Variants in PIK3R6 observed in about 807,000 individuals in gnomAD.
The protein encoded by PIK3R6 is phosphoinositide-3-kinase regulatory subunit 6.
A neutral mutation model predicts 84.9 loss-of-function variants in PIK3R6; 91 were observed. The observed-to-expected ratio is 1.07, with a 90% CI of 0.90 to 1.28. The LOEUF is 1.28. Among genes scored for constraint, PIK3R6 ranks in the 50% most tolerant of loss-of-function variants. PIK3R6 has a pLI of 0.00. For synonymous variants in PIK3R6, 416 were observed against 411.4 expected (o/e 1.01, Z -0.13); for missense variants, 996 against 985.1 (o/e 1.01, Z -0.15).
rs1284585528 is a variant in PIK3R6 at position 8,842,404 on chromosome 17, A to G, written c.14-2707T>C. Among the ~76,000 whole-genome samples, 11 of 152,098 alleles carry G rather than the reference A, an allele frequency of 7.2e-5. No individual in the cohort carries two copies. Among genetic ancestry groups the G allele is most frequent in the Admixed American group, 7.2e-4 (11 of 15,268 alleles). ...CTTTTCTTGGACTCCCATCAGTCCA[A>G]GGCATTTCCACTGACCCTTCTTCCT... On this transcript the variant is annotated intron_variant, in intron 2 of 19. Transcript: ENST00000619866. The surrounding 1 kb of genome is among the most constrained non-coding windows in gnomAD (Gnocchi z 4.5).
rs766956757 is a variant in PIK3R6, at chr17:8,827,177, C to T, written c.1510G>A (p.Glu504Lys). ...TLCPAIHKLA[E>K]MPPSLDTSRT... ...GTACCCTCACCCTCCCCTACCATCTCAGCCAGCTTGTGGATGGCGGGGCAC... is the reference window on the plus strand; with the variant it reads ...GTACCCTCACCCTCCCCTACCATCTTAGCCAGCTTGTGGATGGCGGGGCAC... Residue 504 changes from glutamate (E) to lysine (K), a missense_variant, in exon 13 of 20, where the codon GAG becomes AAG. Physicochemically the swap from Glu to Lys is moderately conservative, Grantham distance 56. Coordinates refer to ENST00000619866, the MANE Select transcript of PIK3R6 (RefSeq NM_001010855.4). 2 of 1,612,908 alleles carry T rather than the reference C, an allele frequency of 1.2e-6. No individual in the cohort carries two copies. The highest frequency in any genetic ancestry group is 2.2e-5 in the South Asian group (2 of 90,682).
chr17:8,858,310 C>CTTTT (rs752142944), intron 1 of PIK3R6, among the ~76,000 whole-genome samples: 24 of 95,512 alleles, frequency 2.5e-4, no homozygotes, highest in South Asian at 3.5e-4. Flanking sequence ...CTCAATTAAT[C>CTTTT]TTTTTTTTTT....
chr17:8,837,216 C>T (rs896939439), intron 5 of PIK3R6, among the ~76,000 whole-genome samples: 1 of 152,170 alleles, frequency 6.6e-6, no homozygotes, highest in African/African-American at 2.4e-5. Context: ...CCTCCTGCTC[C>T]ATCAGGGAAG....
intron 2 of PIK3R6, among the ~76,000 whole-genome samples, chr17:8,841,310 C>CCCTGGCTCCTGT (rs2088670452): frequency 1.3e-5 from 2 of 152,194 alleles, no homozygotes; most frequent in Non-Finnish European, 2.9e-5. Context: ...TAGGGCTCAG[C>CCCTGGCTCCTGT]CCTGGCTCCT....
Position 8,832,982 on chromosome 17 carries a change from C to G in PIK3R6, c.709G>C (p.Ala237Pro), listed in dbSNP as rs749095989. The change falls in exon 9 of 20, where the codon GCC (alanine) becomes CCC (proline). Residue 237 changes from alanine (A) to proline (P), a missense_variant. Coordinates refer to ENST00000619866, the MANE Select transcript of PIK3R6 (RefSeq NM_001010855.4). ...TCCCGGCTCGGGCTGGCCTCGCTGG[C>G]CATCTGCTCCAAGGCGGCCACCACG... ...HAVVAALEQM[A>P]SEASPSREGH... is the part of the protein sequence containing the mutation. 9 of 1,611,712 alleles carry G rather than the reference C, an allele frequency of 5.6e-6. No homozygotes were observed. The highest frequency in any genetic ancestry group is 7.6e-6 in the Non-Finnish European group (9 of 1,179,608).
chr17:8,829,796 C>A lies in PIK3R6; in HGVS notation c.803-4G>T, dbSNP rs975704423. The A allele has an allele frequency of 4.5e-5, 69 of 1,549,514 alleles. No homozygotes were observed. Among genetic ancestry groups the A allele is most frequent in the Non-Finnish European group, 5.5e-5 (63 of 1,146,202 alleles). ...GGCCGCTCTTGGACAAGGTCACCTG[C>A]AGAAAGGAGCAGGCTGTGGAGGCCA... On this transcript the variant is annotated splice_region_variant and splice_polypyrimidine_tract_variant and intron_variant, in intron 9 of 19. Coordinates refer to ENST00000619866, the MANE Select transcript of PIK3R6 (RefSeq NM_001010855.4).
intron 18 of PIK3R6, among the ~76,000 whole-genome samples, chr17:8,805,378 A>G (rs532641027): frequency 6.6e-6 from 1 of 152,166 alleles, no homozygotes; most frequent in African/African-American, 2.4e-5. Context: ...TGACTCATGG[A>G]CTCAGCAATG....
intron 17 of PIK3R6, among the ~76,000 whole-genome samples, chr17:8,819,937 ATTTTTATATATATATATATTT>A (rs1426765536): frequency 4.6e-5 from 4 of 86,220 alleles, no homozygotes; most frequent in South Asian, 8.1e-4. Context: ...ATATATATAT[ATTTTTATATATATATATATTT>A]TTTTTTTGAG....
At chr17:8,809,412 A>G (rs2087290762) in intron 18 of PIK3R6, among the ~76,000 whole-genome samples, 1 of 152,220 alleles carries the variant, frequency 6.6e-6, no homozygotes, top group African/African-American at 2.4e-5. Context: ...CAACTAGGTA[A>G]TAATTATGAC....
At chr17:8,815,601 C>T (rs8064492) in intron 18 of PIK3R6, among the ~76,000 whole-genome samples, 3,496 of 152,060 alleles carry the variant, frequency 0.023, 131 homozygotes, top group African/African-American at 0.077. Flanking sequence ...ATGCTTTGGC[C>T]GTCCTAGGAG....
chr17:8,822,041 G>C, intron 16 of PIK3R6, 105 bp from the exon 17 acceptor site: 1 of 796,754 alleles, frequency 1.3e-6, no homozygotes, highest in Non-Finnish European at 1.9e-6. Context: ...TTCCACCCCT[G>C]CTGTGAGAGT....
At chr17:8,819,033 A>T in intron 18 of PIK3R6, 50 bp downstream of exon 18, 1 of 1,382,580 alleles carries the variant, frequency 7.2e-7, no homozygotes, top group Non-Finnish European at 9.9e-7. Flanking sequence ...CCAGCCACCT[A>T]CTGCTGTCCC....
Position 8,839,685 on chromosome 17 carries a change from T to A in PIK3R6, c.26A>T (p.Asp9Val). ...CACAGCCTGCACGCTCCTCTGGAGG[T>A]CCAGCTCCACATCTGGGCAGTGGTA... MESSDVEL[D>V]LQRSVQAVLR... Residue 9 changes from aspartate (D) to valine (V), a missense_variant, in exon 3 of 20, where the codon GAC (aspartate) becomes GTC (valine). Coordinates refer to ENST00000619866, the MANE Select transcript of PIK3R6 (RefSeq NM_001010855.4). This position sits in a 1 kb window ranked among gnomAD's most constrained non-coding sequence, Gnocchi z 4.2. 2.5e-6 allele frequency: 4 copies of A among 1,573,680 alleles called. No individual in the cohort carries two copies. The highest frequency in any genetic ancestry group is 3.5e-6 in the Non-Finnish European group (4 of 1,158,920).
Position 8,867,538 on chromosome 17 carries a change from G to C in PIK3R6, c.-101C>G. On this transcript the variant is annotated 5_prime_UTR_variant, in exon 1 of 20. Transcript: ENST00000619866. ...CCAAGCCAGCACTTACCTTGGTTCG[G>C]TGGCAGCTTCTGGGCTCCCCAAGTC... The C allele has an allele frequency of 2.1e-6, 1 of 486,254 alleles. No homozygotes were observed. Among genetic ancestry groups the C allele is most frequent in the Non-Finnish European group, 4.2e-6 (1 of 240,676 alleles). 30.1% of individuals were successfully genotyped at this position (486,254 alleles called of 1,614,324 possible).
At chr17:8,820,102 A>C (rs1597387983) in intron 17 of PIK3R6, among the ~76,000 whole-genome samples, 1 of 146,496 alleles carries the variant, frequency 6.8e-6, no homozygotes, top group Non-Finnish European at 1.5e-5. Context: ...GGGCTCCACC[A>C]CACTGGCTAA....
At chr17:8,808,821 T>C (rs2087275192) in intron 18 of PIK3R6, among the ~76,000 whole-genome samples, 1 of 152,200 alleles carries the variant, frequency 6.6e-6, no homozygotes, top group African/African-American at 2.4e-5. Context: ...GTTCAGGGAA[T>C]GAGGCCAACA....
At chr17:8,846,959 G>A (rs2088828853) in intron 2 of PIK3R6, among the ~76,000 whole-genome samples, 1 of 152,176 alleles carries the variant, frequency 6.6e-6, no homozygotes, top group African/African-American at 2.4e-5. Context: ...GAGGGAATAA[G>A]TCTCATTGCC....
At chr17:8,823,559 T>C (rs970684910) in intron 13 of PIK3R6, 62 bp from the exon 14 acceptor site, 6 of 1,182,216 alleles carry the variant, frequency 5.1e-6, no homozygotes, top group Non-Finnish European at 7.4e-6. Context: ...GAGATGCCAT[T>C]TTCTTCAGAG....
chr17:8,825,015 G>A (rs1273097768), intron 13 of PIK3R6, among the ~76,000 whole-genome samples: 3 of 152,286 alleles, frequency 2.0e-5, no homozygotes, highest in Non-Finnish European at 4.4e-5. Context: ...GTAAATAAAT[G>A]TGTATAAGTC....
Sources: gnomAD v4.1 joint callset for allele counts (sites outside exome capture counted in the v4.1 genomes callset) on GRCh38, gnomAD v4.1.1 for gene constraint, Gnocchi (gnomAD v3.1) non-coding constraint, MANE v1.5 for transcripts, NCBI Gene and HGNC (gene_info 2026-07-23, HGNC 2026-07-21) for gene names.